The following WWOX variants were observed in gnomAD, a reference collection of about 807,000 sequenced individuals.
WWOX encodes WW domain containing oxidoreductase.
A neutral mutation model predicts 46.2 loss-of-function variants in WWOX; 69 were observed. The ratio of observed to expected loss-of-function variants is 1.49; its 90% CI spans 1.23 to 1.82. WWOX has a LOEUF of 1.82. WWOX is among the 40% of genes most tolerant of loss of function. The pLI, the probability that WWOX is intolerant of heterozygous loss-of-function variation, is 0.00. For synonymous variants in WWOX, 359 were observed against 202.6 expected, an observed-to-expected ratio of 1.77 and a Z score of -6.56; for missense variants, 919 against 542.6, an observed-to-expected ratio of 1.69 and a Z score of -6.89.
At chr16:78,972,832 A>G (rs1468458021) in intron 8 of WWOX, among the ~76,000 whole-genome samples, 2 of 152,132 alleles carry the variant, frequency 1.3e-5, no homozygotes, top group African/African-American at 4.8e-5. Flanking sequence ...CTTAGAACAG[A>G]CCCATTTAAT....
intron 8 of WWOX, among the ~76,000 whole-genome samples, chr16:78,477,674 G>A (rs1263770127): frequency 6.6e-6 from 1 of 151,794 alleles, no homozygotes; most frequent in African/African-American, 2.4e-5. Flanking sequence ...TCATATTTTA[G>A]CCTATAAACT....
At chr16:78,366,417 T>C (rs1341534000) in intron 5 of WWOX, among the ~76,000 whole-genome samples, 3 of 152,224 alleles carry the variant, frequency 2.0e-5, no homozygotes, top group Non-Finnish European at 4.4e-5. Context: ...TAGTGGGTGA[T>C]AAAACAACAG....
intron 8 of WWOX, among the ~76,000 whole-genome samples, chr16:78,694,791 C>T (rs1371482902): frequency 6.6e-6 from 1 of 151,886 alleles, no homozygotes; most frequent in African/African-American, 2.4e-5. Flanking sequence ...ACTCTTCCTG[C>T]TCTTGATTTA....
intron 8 of WWOX, among the ~76,000 whole-genome samples, chr16:78,847,477 G>T (rs752545622): frequency 1.3e-5 from 2 of 151,898 alleles, no homozygotes; most frequent in East Asian, 1.9e-4. Flanking sequence ...ACAACAACTG[G>T]GTTTTTTCAA....
intron 8 of WWOX, among the ~76,000 whole-genome samples, chr16:78,567,822 G>A (rs2044611266): frequency 6.6e-6 from 1 of 152,072 alleles, no homozygotes; most frequent in South Asian, 2.1e-4. Context: ...GTGGTCTCGA[G>A]GAGGCCCATT....
At chr16:78,940,856 C>T (rs914787094) in intron 8 of WWOX, among the ~76,000 whole-genome samples, 1 of 151,900 alleles carries the variant, frequency 6.6e-6, no homozygotes, top group Non-Finnish European at 1.5e-5. Context: ...CAGCTTCATT[C>T]TAATAAGTTG....
chr16:78,668,220 C>T (rs1270842646), intron 8 of WWOX, among the ~76,000 whole-genome samples: 1 of 151,888 alleles, frequency 6.6e-6, no homozygotes, highest in Non-Finnish European at 1.5e-5. Flanking sequence ...GCGGAGGTTG[C>T]AGTCAGCCGA....
chr16:78,829,712 A>G (rs1597685499), intron 8 of WWOX, among the ~76,000 whole-genome samples: 1 of 152,286 alleles, frequency 6.6e-6, no homozygotes. Context: ...TCTAGGAGTC[A>G]TTATCTTCCC....
intron 8 of WWOX, among the ~76,000 whole-genome samples, chr16:78,971,955 C>A (rs370702359): frequency 6.6e-6 from 1 of 152,170 alleles, no homozygotes; most frequent in Non-Finnish European, 1.5e-5. Context: ...GGCGCACACT[C>A]GGGGAGCATT....
At chr16:78,225,638 G>A (rs1487779237) in intron 5 of WWOX, among the ~76,000 whole-genome samples, 1 of 152,102 alleles carries the variant, frequency 6.6e-6, no homozygotes, top group Admixed American at 6.5e-5. Flanking sequence ...AATTGGGTAA[G>A]GATCCAGCTG....
intron 8 of WWOX, among the ~76,000 whole-genome samples, chr16:78,917,849 T>C (rs540692658): frequency 6.6e-6 from 1 of 152,170 alleles, no homozygotes; most frequent in South Asian, 2.1e-4. Flanking sequence ...TACATCTAGA[T>C]CAGAAATACT....
intron 8 of WWOX, among the ~76,000 whole-genome samples, chr16:78,881,574 T>C (rs2044344591): frequency 6.6e-6 from 1 of 152,216 alleles, no homozygotes; most frequent in Admixed American, 6.5e-5. Context: ...AATTGCTGTC[T>C]AGCTTTAAGA....
intron 5 of WWOX, among the ~76,000 whole-genome samples, chr16:78,356,048 T>C (rs1190844205): frequency 1.0e-5 from 1 of 95,368 alleles, no homozygotes. Context: ...CCAATAAATA[T>C]GACCACCAAG....
intron 5 of WWOX, among the ~76,000 whole-genome samples, chr16:78,263,690 C>T (rs973662076): frequency 2.0e-5 from 3 of 152,090 alleles, no homozygotes; most frequent in African/African-American, 7.2e-5. Context: ...AAATGTAGAT[C>T]GTAATTTTTA....
At chr16:78,898,781 T>C (rs1416131740) in intron 8 of WWOX, 2 of 152,176 alleles carry the variant, frequency 1.3e-5, no homozygotes, top group African/African-American at 2.4e-5. Context: ...CTTCTTTATT[T>C]ATAAACATTT....
intron 8 of WWOX, among the ~76,000 whole-genome samples, chr16:79,024,181 G>A (rs1410122605): frequency 6.6e-6 from 1 of 152,202 alleles, no homozygotes; most frequent in Admixed American, 6.5e-5. Context: ...AGATCGTGTT[G>A]ATGGTTGTAC....
chr16:78,275,878 G>A (rs757395663), intron 5 of WWOX, among the ~76,000 whole-genome samples: 2 of 152,046 alleles, frequency 1.3e-5, no homozygotes, highest in African/African-American at 2.4e-5. Flanking sequence ...TCCTTCCGAC[G>A]AGGAAGTGCA....
At chr16:79,024,163 C>G (rs1423981959) in intron 8 of WWOX, among the ~76,000 whole-genome samples, 1 of 152,140 alleles carries the variant, frequency 6.6e-6, no homozygotes, top group Non-Finnish European at 1.5e-5. Context: ...GTTAAATGGT[C>G]TAGAATTAGA....
intron 8 of WWOX, among the ~76,000 whole-genome samples, chr16:78,906,223 C>T (rs771197888): frequency 2.0e-5 from 3 of 152,098 alleles, no homozygotes; most frequent in Non-Finnish European, 4.4e-5. Flanking sequence ...TCTCCCTGGG[C>T]CTTGAGATAG....
Sources: gnomAD v4.1 joint callset for allele counts (sites outside exome capture counted in the v4.1 genomes callset) on GRCh38, gnomAD v4.1.1 for gene constraint, MANE v1.5 for transcripts, NCBI Gene and HGNC (gene_info 2026-07-23, HGNC 2026-07-21) for gene names.